PDS5B: variants seen among roughly 807,000 people sequenced by gnomAD.
The protein encoded by PDS5B is PDS5 cohesin associated factor B.
In PDS5B, 51 loss-of-function variants were observed where a neutral mutation model predicts 184.1. The ratio of observed to expected loss-of-function variants is 0.28; its 90% CI spans 0.22 to 0.35. The LOEUF (loss-of-function observed/expected upper bound fraction) is 0.35, where lower values mean the gene tolerates loss of function less well. PDS5B is among the 10% of genes least tolerant of loss of function. The pLI is 1.00. For missense variants in PDS5B, 1,180 were observed against 1,723.3 expected, an observed-to-expected ratio of 0.68 and a Z score of 5.58; for synonymous variants, 566 against 569.2, an observed-to-expected ratio of 0.99 and a Z score of 0.08.
chr13:32,635,169 C>CGTTT (rs2058522767), intron 1 of PDS5B, among the ~76,000 whole-genome samples: 1 of 97,266 alleles, frequency 1.0e-5, no homozygotes, highest in Non-Finnish European at 2.0e-5. Flanking sequence ...CAGCCAATTA[C>CGTTT]GTTTTTTTTT....
chr13:32,755,829 T>G lies in PDS5B; in HGVS notation c.2942-13T>G. On this transcript the variant is annotated splice_polypyrimidine_tract_variant and intron_variant, in intron 25 of 34. Coordinates refer to ENST00000315596, the MANE Select transcript of PDS5B (RefSeq NM_015032.4). ...TTGTTTTTTTTTGTTTGTTTGTTTG[T>G]TTTCTTTTTCAGAAAAATTATTGTC... 1 of 1,177,044 alleles carries G rather than the reference T, an allele frequency of 8.5e-7. No individual in the cohort carries two copies. The highest frequency in any genetic ancestry group is 1.2e-6 in the Non-Finnish European group (1 of 828,284). 72.9% of individuals were successfully genotyped at this position (1,177,044 alleles called of 1,614,324 possible).
In PDS5B at chr13:32,680,529, T is replaced by C. The variant is rs1453080627; in HGVS notation, c.1057+1600T>C. 3.3e-5 allele frequency among the ~76,000 whole-genome samples: 5 copies of C among 152,376 alleles called. No individual in the cohort carries two copies. The East Asian group carries it at 9.6e-4, about 29-fold the overall frequency. ...TTCACATTTCAGATTAGTTGTCACA[T>C]AATCCCCTTTTGGGTATGGTATCCA... On this transcript the variant is annotated intron_variant, in intron 10 of 34. Transcript: ENST00000315596.
chr13:32,669,224 A>G (rs575039917), intron 7 of PDS5B, among the ~76,000 whole-genome samples: 1 of 151,806 alleles, frequency 6.6e-6, no homozygotes, highest in Non-Finnish European at 1.5e-5. Flanking sequence ...ATTAGAGCAC[A>G]CTAGGTGAGC....
intron 29 of PDS5B, among the ~76,000 whole-genome samples, chr13:32,760,185 G>C (rs888674708): frequency 1.3e-5 from 2 of 152,140 alleles, no homozygotes; most frequent in Non-Finnish European, 2.9e-5. Flanking sequence ...TCGATCTCCT[G>C]ACCTCGTGAT....
intron 25 of PDS5B, among the ~76,000 whole-genome samples, chr13:32,755,279 C>A (rs761758387): frequency 2.6e-5 from 4 of 152,100 alleles, no homozygotes; most frequent in South Asian, 4.1e-4. Flanking sequence ...AGCCAACATA[C>A]AAAAATAATT....
At chr13:32,752,738 G>A (rs757603598) in intron 24 of PDS5B, among the ~76,000 whole-genome samples, 1 of 152,084 alleles carries the variant, frequency 6.6e-6, no homozygotes, top group South Asian at 2.1e-4. Context: ...GCAGGCACAC[G>A]GGTAATAATC....
chr13:32,641,978 T>C (rs17594131), intron 1 of PDS5B, among the ~76,000 whole-genome samples: 7,878 of 152,278 alleles, frequency 0.052, 306 homozygotes, highest in Middle Eastern at 0.088. Flanking sequence ...CTTAGTGTAT[T>C]GCACCAAGCA....
chr13:32,692,681 CA>C (rs1384400355), intron 13 of PDS5B, among the ~76,000 whole-genome samples: 5 of 151,728 alleles, frequency 3.3e-5, no homozygotes, highest in Admixed American at 3.3e-4. Flanking sequence ...ATTTGCTTAG[CA>C]ACAGAACTGC....
chr13:32,716,583 C>T (rs182825816), intron 19 of PDS5B, among the ~76,000 whole-genome samples: 52,936 of 147,048 alleles, frequency 0.36, 9,852 homozygotes, highest in Non-Finnish European at 0.43. Flanking sequence ...GGTCAGCCCC[C>T]GCCAGGCCAG....
In PDS5B at chr13:32,706,973, A is replaced by G. The variant is rs1222534727; in HGVS notation, c.1896A>G (p.Thr632=). The G allele has an allele frequency of 6.2e-7, 1 of 1,612,930 alleles. No homozygotes were observed. Among genetic ancestry groups the G allele is most frequent in the South Asian group, 1.1e-5 (1 of 90,896 alleles). ...IKQVNKSIDG[T]ADDEDEGVPT... ...AAGTGAACAAATCAATAGATGGAAC[A>G]GCAGATGATGAAGATGAGGGTGTTC... The change falls in exon 18 of 35, where the codon ACA becomes ACG. Residue 632 remains threonine (T), a synonymous_variant. Transcript: ENST00000315596.
chr13:32,768,568 G>A (rs1954660289), intron 31 of PDS5B, among the ~76,000 whole-genome samples: 1 of 151,716 alleles, frequency 6.6e-6, no homozygotes, highest in Non-Finnish European at 1.5e-5. Context: ...CGAGGCAGGC[G>A]GATCACCTGA....
At chr13:32,736,728 TGCA>T (rs1345403191) in intron 21 of PDS5B, among the ~76,000 whole-genome samples, 1 of 152,150 alleles carries the variant, frequency 6.6e-6, no homozygotes, top group East Asian at 1.9e-4. Context: ...CCTTTCTTAC[TGCA>T]GTTCTATTAA....
At chr13:32,596,223 A>G (rs112410737) in intron 1 of PDS5B, among the ~76,000 whole-genome samples, 3,081 of 152,118 alleles carry the variant, frequency 0.02, 63 homozygotes, top group Non-Finnish European at 0.029. Context: ...TCTCCATTCA[A>G]TTTCTTTTGC....
At chr13:32,663,732 C>T (rs1213051482) in intron 6 of PDS5B, among the ~76,000 whole-genome samples, 2 of 152,136 alleles carry the variant, frequency 1.3e-5, no homozygotes, top group African/African-American at 4.8e-5. Flanking sequence ...TTTGAAATTT[C>T]AGTAGCTTTT....
At chr13:32,735,639 A>G (rs920183295) in intron 21 of PDS5B, among the ~76,000 whole-genome samples, 1 of 152,194 alleles carries the variant, frequency 6.6e-6, no homozygotes, top group East Asian at 1.9e-4. Flanking sequence ...AAAAATATGC[A>G]GATTGGTAAA....
chr13:32,658,406 C>A, intron 4 of PDS5B, 28 bp from the exon 5 acceptor site: 1 of 1,463,092 alleles, frequency 6.8e-7, no homozygotes, highest in Non-Finnish European at 9.4e-7. Flanking sequence ...AAATGCTTAA[C>A]TTTCACTTTT....
intron 14 of PDS5B, among the ~76,000 whole-genome samples, chr13:32,695,017 A>C (rs752167700): frequency 2.6e-5 from 4 of 151,874 alleles, no homozygotes; most frequent in Admixed American, 1.3e-4. Flanking sequence ...TACACTTCAT[A>C]GGACAGAGGT....
intron 1 of PDS5B, among the ~76,000 whole-genome samples, chr13:32,642,958 T>C (rs1232192125): frequency 2.6e-5 from 4 of 152,164 alleles, no homozygotes; most frequent in African/African-American, 9.7e-5. Flanking sequence ...CCATTTTACG[T>C]GTTTTGCTCT....
At chr13:32,714,222 A>T (rs1952297429) in intron 19 of PDS5B, among the ~76,000 whole-genome samples, 1 of 152,228 alleles carries the variant, frequency 6.6e-6, no homozygotes, top group Admixed American at 6.5e-5. Flanking sequence ...AAAATTGCTA[A>T]TGAAGTTTCG....
Sources: gnomAD v4.1 joint callset for allele counts (sites outside exome capture counted in the v4.1 genomes callset) on GRCh38, gnomAD v4.1.1 for gene constraint, MANE v1.5 for transcripts, NCBI Gene and HGNC (gene_info 2026-07-23, HGNC 2026-07-21) for gene names.